Variants in EXO1 observed in about 807,000 individuals in gnomAD.
The protein encoded by EXO1 is exonuclease 1.
EXO1 carries 69 observed loss-of-function variants against 84.5 expected under a neutral mutation model. That is an observed-to-expected ratio of 0.82 (90% CI 0.67 to 1.00). The LOEUF (loss-of-function observed/expected upper bound fraction) is 1.00, where lower values mean the gene tolerates loss of function less well. Ranked by LOEUF, EXO1 falls within the 50% of genes least tolerant of loss-of-function variation. The pLI, the probability that EXO1 is intolerant of heterozygous loss-of-function variation, is 0.00. For missense variants in EXO1, 1,045 were observed against 1,000.7 expected (o/e 1.04, Z -0.60); for synonymous variants, 373 against 366.1 (o/e 1.02, Z -0.21).
In EXO1 at chr1:241,866,938, G is replaced by A; in HGVS notation, c.1150G>A (p.Val384Ile). The A allele has an allele frequency of 6.2e-7, 1 of 1,614,028 alleles. No individual in the cohort carries two copies. Among genetic ancestry groups the A allele is most frequent in the Non-Finnish European group, 8.5e-7 (1 of 1,179,918 alleles). ...CTCTCCCAGACCAGAGTCGGGTACT[G>A]TTTCAGATGCCCCACAATTGAAGGA... is the stretch of plus-strand genomic sequence containing the variant. ...NYSPRPESGT[V>I]SDAPQLKENP... Residue 384 changes from valine to isoleucine, a missense_variant, in exon 11 of 16, where the codon GTT becomes ATT. Transcript: ENST00000366548.
At chr1:241,872,321 G>T (rs1310295744) in intron 12 of EXO1, 43 bp downstream of exon 12, 1 of 1,595,654 alleles carries the variant, frequency 6.3e-7, no homozygotes, top group South Asian at 1.1e-5. Context: ...GTTGTATTAT[G>T]TACTCTGTTG....
chr1:241,849,681 T>C (rs1660543386), intron 3 of EXO1, among the ~76,000 whole-genome samples: 1 of 152,244 alleles, frequency 6.6e-6, no homozygotes, highest in African/African-American at 2.4e-5. Flanking sequence ...TTGAAATACT[T>C]ACCTTCCTAC....
At chr1:241,873,808 A>C (rs851778) in intron 12 of EXO1, among the ~76,000 whole-genome samples, 1 of 151,916 alleles carries the variant, frequency 6.6e-6, no homozygotes, top group South Asian at 2.1e-4. Context: ...AAGGGTAAGA[A>C]GGAAGGGATG....
At chr1:241,849,568 G>GC in intron 3 of EXO1, among the ~76,000 whole-genome samples, 1 of 152,250 alleles carries the variant, frequency 6.6e-6, no homozygotes, top group East Asian at 1.9e-4. Flanking sequence ...TTACCAGAAT[G>GC]TTCGTGCTTA....
intron 15 of EXO1, among the ~76,000 whole-genome samples, chr1:241,888,986 C>T (rs1177028571): frequency 3.9e-5 from 6 of 152,046 alleles, no homozygotes; most frequent in Non-Finnish European, 4.4e-5. Context: ...GCAAGATAAT[C>T]GCTTGAACCC....
chr1:241,857,100 T>C (rs1406191929), intron 6 of EXO1, among the ~76,000 whole-genome samples: 1 of 152,214 alleles, frequency 6.6e-6, no homozygotes, highest in East Asian at 1.9e-4. Context: ...CCTCTGGCTG[T>C]GTAGCAGTAT....
At chr1:241,883,777 C>T (rs1417031935) in intron 14 of EXO1, among the ~76,000 whole-genome samples, 1 of 152,004 alleles carries the variant, frequency 6.6e-6, no homozygotes, top group Non-Finnish European at 1.5e-5. Flanking sequence ...TATTCATGTA[C>T]ACATTTGCAT....
intron 11 of EXO1, among the ~76,000 whole-genome samples, chr1:241,869,978 A>G (rs1012258181): frequency 2.0e-5 from 3 of 152,116 alleles, no homozygotes; most frequent in African/African-American, 7.2e-5. Flanking sequence ...CACCTGGCTA[A>G]TTTTTGTATT....
chr1:241,874,776 A>T (rs1662295978), intron 12 of EXO1, among the ~76,000 whole-genome samples: 1 of 152,248 alleles, frequency 6.6e-6, no homozygotes, highest in Non-Finnish European at 1.5e-5. Context: ...AGTTACTATC[A>T]GTAATGCACC....
At chr1:241,856,600 A>G (rs1258122405) in intron 6 of EXO1, among the ~76,000 whole-genome samples, 2 of 152,152 alleles carry the variant, frequency 1.3e-5, no homozygotes, top group African/African-American at 2.4e-5. Flanking sequence ...TAATTTTATC[A>G]ATACTGTGTC....
At chr1:241,877,092 CG>C (rs941300707) in intron 12 of EXO1, among the ~76,000 whole-genome samples, 3 of 152,100 alleles carry the variant, frequency 2.0e-5, no homozygotes, top group Non-Finnish European at 4.4e-5. Context: ...ACATGTAAAA[CG>C]TTGTCACCAA....
Position 241,879,225 on chromosome 1 carries a change from C to A in EXO1, c.1991C>A (p.Ser664Tyr), listed in dbSNP as rs781754281. 3.9e-5 allele frequency: 63 copies of A among 1,601,314 alleles called. No individual in the cohort carries two copies. The South Asian group carries it at 6.4e-4, about 16-fold the overall frequency. Residue 664 changes from serine to tyrosine, a missense_variant, in exon 13 of 16, where the codon TCT becomes TAT. Transcript: ENST00000366548. Reference sequence around the variant, plus strand: ...AGCGAGGAGTCCAGTGACGATGAGTCTCATCCCTTACGAGAAGAGGCATGT... The same window carrying A: ...AGCGAGGAGTCCAGTGACGATGAGTATCATCCCTTACGAGAAGAGGCATGT... ...LKSEESSDDE[S>Y]HPLREEACSS...
chr1:241,858,110 T>G (rs755164874), intron 7 of EXO1, among the ~76,000 whole-genome samples: 2 of 152,228 alleles, frequency 1.3e-5, no homozygotes, highest in Non-Finnish European at 2.9e-5. Flanking sequence ...ATTTTCCAAA[T>G]TTTCTACAAT....
At chr1:241,858,958 G>T (rs1360508197) in intron 8 of EXO1, among the ~76,000 whole-genome samples, 2 of 152,248 alleles carry the variant, frequency 1.3e-5, no homozygotes, top group East Asian at 3.9e-4. Context: ...GTATAAAGAG[G>T]CTCAAGGAGA....
Position 241,857,381 on chromosome 1 carries a change from C to G in EXO1, c.442C>G (p.Pro148Ala). The part of the protein sequence containing the change: ...RSQGVDCLVA[P>A]YEADAQLAYL... ...TCAGGGGGTAGATTGCCTCGTGGCT[C>G]CCTATGAAGCTGATGCGCAGTTGGC... The change falls in exon 7 of 16, where the codon CCC (proline) becomes GCC (alanine). Residue 148 changes from proline to alanine, a missense_variant. Pro to Ala is a conservative substitution (Grantham distance 27). Transcript: ENST00000366548. 1 of 1,613,862 alleles carries G rather than the reference C, an allele frequency of 6.2e-7. No homozygotes were observed. The highest frequency in any genetic ancestry group is 1.3e-5 in the African/African-American group (1 of 74,966).
intron 14 of EXO1, among the ~76,000 whole-genome samples, chr1:241,882,631 A>G (rs1662840044): frequency 6.6e-6 from 1 of 152,168 alleles, no homozygotes; most frequent in African/African-American, 2.4e-5. Flanking sequence ...ACCATTTCCT[A>G]ACTTAAAAGA....
chr1:241,860,437 A>AC, intron 8 of EXO1, 80 bp from the exon 9 acceptor site: 1 of 1,114,874 alleles, frequency 9.0e-7, no homozygotes, highest in Non-Finnish European at 1.4e-6. Context: ...CCTCTTTATG[A>AC]ATGTAAATCA....
rs926171879 is a variant in EXO1 at position 241,848,305 on chromosome 1, A to G, written c.-468A>G. On this transcript the variant is annotated 5_prime_UTR_variant, in exon 1 of 16. Transcript: ENST00000366548. This position sits in a 1 kb window ranked among gnomAD's most constrained non-coding sequence, Gnocchi z 4.2. The stretch of plus-strand genomic sequence containing the variant: ...AGGGGCGTCGGAGCGGGTTTCTCCA[A>G]CCGCAATCGGCTCCGCTCAAGGGGA... 5.2e-5 allele frequency: 8 copies of G among 152,526 alleles called. No homozygotes were observed. Among genetic ancestry groups the G allele is most frequent in the African/African-American group, 1.9e-4 (8 of 41,532 alleles). The allele number at this position is 152,526 out of a possible 1,614,324, so 9.4% of individuals were successfully genotyped here.
At chr1:241,871,758 A>T (rs1441709587) in intron 11 of EXO1, among the ~76,000 whole-genome samples, 1 of 152,128 alleles carries the variant, frequency 6.6e-6, no homozygotes, top group Non-Finnish European at 1.5e-5. Context: ...CACAGGATTG[A>T]TTGTGCTCTG....
Sources: allele counts gnomAD v4.1 joint callset (sites outside exome capture counted in the v4.1 genomes callset), GRCh38; gene constraint gnomAD v4.1.1; non-coding constraint Gnocchi (gnomAD v3.1); transcripts MANE v1.5; gene names NCBI Gene and HGNC (gene_info 2026-07-23, HGNC 2026-07-21).